TIAM1: variants seen among roughly 807,000 people sequenced by gnomAD.
The protein encoded by TIAM1 is rho guanine nucleotide exchange factor TIAM1.
Under a neutral mutation model 163.5 loss-of-function variants are expected in TIAM1, and 65 were observed. That is an observed-to-expected ratio of 0.40 (90% CI 0.33 to 0.49). The LOEUF is 0.49. Ranked by LOEUF, TIAM1 falls within the 20% of genes least tolerant of loss-of-function variation. The probability of loss-of-function intolerance (pLI) is 0.77; values close to 1 mark genes in which losing one functional copy is unlikely to be tolerated. For missense variants in TIAM1, 1,789 were observed against 2,044.7 expected, an observed-to-expected ratio of 0.87 and a Z score of 2.41; for synonymous variants, 833 against 810.1, an observed-to-expected ratio of 1.03 and a Z score of -0.48.
intron 2 of TIAM1, among the ~76,000 whole-genome samples, chr21:31,401,936 C>T (rs578052695): frequency 3.3e-5 from 5 of 151,232 alleles, no homozygotes; most frequent in African/African-American, 1.2e-4. Context: ...AATTGGAGCC[C>T]GGGCATGGTG....
chr21:31,289,471 T>C (rs914681243), intron 2 of TIAM1, among the ~76,000 whole-genome samples: 13 of 152,176 alleles, frequency 8.5e-5, no homozygotes, highest in African/African-American at 2.9e-4. Context: ...CTGGGTATTC[T>C]TTTTTCAGTA....
At chr21:31,250,112 T>C (rs911258698) in intron 5 of TIAM1, among the ~76,000 whole-genome samples, 1 of 146,346 alleles carries the variant, frequency 6.8e-6, no homozygotes, top group African/African-American at 2.6e-5. Context: ...TGCCACTGCA[T>C]TCCAGCCTGG....
chr21:31,489,206 A>G (rs1044399394), intron 1 of TIAM1, among the ~76,000 whole-genome samples: 1 of 150,862 alleles, frequency 6.6e-6, no homozygotes, highest in African/African-American at 2.4e-5. Flanking sequence ...TATCTCTACA[A>G]GAATTTTTGC....
intron 1 of TIAM1, among the ~76,000 whole-genome samples, chr21:31,502,980 C>T (rs1215210593): frequency 3.3e-5 from 5 of 152,172 alleles, no homozygotes; most frequent in Admixed American, 6.5e-5. Flanking sequence ...AAAGGATGGG[C>T]GCAGTGGCTC....
chr21:31,372,997 G>T (rs1477709049), intron 2 of TIAM1, among the ~76,000 whole-genome samples: 1 of 150,434 alleles, frequency 6.6e-6, no homozygotes, highest in African/African-American at 2.5e-5. Context: ...AGAGGTTTCG[G>T]TGAGCCGAGA....
At chr21:31,200,931 T>A (rs2086165916) in intron 12 of TIAM1, among the ~76,000 whole-genome samples, 2 of 152,222 alleles carry the variant, frequency 1.3e-5, no homozygotes. Context: ...ATGGTCTCCC[T>A]GTACTTAAGA....
At chr21:31,242,552 C>T (rs767407552) in intron 6 of TIAM1, among the ~76,000 whole-genome samples, 5 of 152,062 alleles carry the variant, frequency 3.3e-5, no homozygotes, top group Non-Finnish European at 7.4e-5. Context: ...GTTGCCTGAG[C>T]GTTGATGATA....
At chr21:31,383,608 T>C (rs902227279) in intron 2 of TIAM1, among the ~76,000 whole-genome samples, 1 of 152,206 alleles carries the variant, frequency 6.6e-6, no homozygotes, top group Non-Finnish European at 1.5e-5. Context: ...CAGGCTGTCA[T>C]TTCCACGGAC....
At chr21:31,493,046 G>A (rs1156819122) in intron 1 of TIAM1, among the ~76,000 whole-genome samples, 1 of 151,952 alleles carries the variant, frequency 6.6e-6, no homozygotes, top group Non-Finnish European at 1.5e-5. Context: ...GATATCTCCA[G>A]TGCTTGGAAC....
chr21:31,423,700 T>TAAAAAA (rs200137644), intron 2 of TIAM1, among the ~76,000 whole-genome samples: 25 of 48,228 alleles, frequency 5.2e-4, no homozygotes, highest in African/African-American at 1.7e-3. Flanking sequence ...TAGAAAGTTG[T>TAAAAAA]AAAAAAAAAA....
chr21:31,313,987 T>C (rs1180847148), intron 2 of TIAM1, among the ~76,000 whole-genome samples: 3 of 152,204 alleles, frequency 2.0e-5, no homozygotes, highest in African/African-American at 7.2e-5. Flanking sequence ...GAAATCCTAA[T>C]GGGAGTGTAA....
intron 1 of TIAM1, among the ~76,000 whole-genome samples, chr21:31,551,129 G>A (rs1397961000): frequency 5.3e-5 from 8 of 152,270 alleles, no homozygotes; most frequent in East Asian, 1.9e-4. Flanking sequence ...CAAGAGAATC[G>A]CTTGAACCTG....
intron 2 of TIAM1, among the ~76,000 whole-genome samples, chr21:31,368,009 T>A (rs1208625394): frequency 6.6e-6 from 1 of 152,188 alleles, no homozygotes; most frequent in Non-Finnish European, 1.5e-5. Flanking sequence ...TCTAGAATAT[T>A]CATGAGAGGC....
At chr21:31,531,409 A>G (rs1331216133) in intron 1 of TIAM1, among the ~76,000 whole-genome samples, 1 of 152,184 alleles carries the variant, frequency 6.6e-6, no homozygotes, top group South Asian at 2.1e-4. Flanking sequence ...GTATGGAAGG[A>G]AGGGCAGAGG....
intron 1 of TIAM1, among the ~76,000 whole-genome samples, chr21:31,542,620 C>T (rs1034540111): frequency 1.3e-5 from 2 of 152,086 alleles, no homozygotes; most frequent in Non-Finnish European, 2.9e-5. Context: ...CAAATTCTTC[C>T]GCAACCATTT....
chr21:31,230,607 C>T (rs553722772), intron 6 of TIAM1, among the ~76,000 whole-genome samples: 13 of 152,282 alleles, frequency 8.5e-5, no homozygotes, highest in Middle Eastern at 3.4e-3. Flanking sequence ...TCACTGCCAC[C>T]TCCGCCTCCT....
chr21:31,247,898 G>A (rs954920458), intron 5 of TIAM1, among the ~76,000 whole-genome samples: 1 of 152,104 alleles, frequency 6.6e-6, no homozygotes, highest in Non-Finnish European at 1.5e-5. Context: ...GAGAGACAAA[G>A]AAATAACAAA....
intron 1 of TIAM1, among the ~76,000 whole-genome samples, chr21:31,492,702 CTG>C (rs1040191440): frequency 6.6e-6 from 1 of 151,390 alleles, no homozygotes; most frequent in African/African-American, 2.4e-5. Flanking sequence ...CCTCCTGAGG[CTG>C]TGTCATGGGC....
At chr21:31,482,382 C>T (rs1481336095) in intron 1 of TIAM1, among the ~76,000 whole-genome samples, 1 of 152,014 alleles carries the variant, frequency 6.6e-6, no homozygotes, top group Non-Finnish European at 1.5e-5. Flanking sequence ...GAACTCCTGA[C>T]CTCAGGTGAT....
Sources: gnomAD v4.1 joint callset for allele counts (sites outside exome capture counted in the v4.1 genomes callset) on GRCh38, gnomAD v4.1.1 for gene constraint, MANE v1.5 for transcripts, NCBI Gene and HGNC (gene_info 2026-07-23, HGNC 2026-07-21) for gene names.